The following PLCL1 variants were observed in gnomAD, a reference collection of about 807,000 sequenced individuals.
PLCL1 encodes phospholipase C like 1 (inactive), also known as inactive phospholipase C-like protein 1.
A neutral mutation model predicts 84.4 loss-of-function variants in PLCL1; 41 were observed. That is an observed-to-expected ratio of 0.49 (90% CI 0.38 to 0.63). PLCL1 has a LOEUF of 0.63. Ranked by LOEUF, PLCL1 falls within the 30% of genes least tolerant of loss-of-function variation. PLCL1 has a pLI of 0.00. For missense variants in PLCL1, 1,206 were observed against 1,367.8 expected, an observed-to-expected ratio of 0.88 and a Z score of 1.87; for synonymous variants, 490 against 488.3, an observed-to-expected ratio of 1.00 and a Z score of -0.05.
At position 197,869,706 on chromosome 2, in the gene PLCL1, A is replaced by G. The variant is rs144476143; in HGVS notation, c.240+64367A>G. ...GTGCAGAGAGCAAAACAATGGGGAC[A>G]GATGTGACTGAAAGAAGTTTTGATG... On this transcript the variant is annotated intron_variant, in intron 1 of 5. Transcript: ENST00000428675. Among the ~76,000 whole-genome samples the G allele has an allele frequency of 4.2e-3, 641 of 152,306 alleles. 4 individuals are homozygous for G. The highest frequency in any genetic ancestry group is 0.017 in the Middle Eastern group (5 of 294).
chr2:197,847,483 T>C (rs948149471), intron 1 of PLCL1, among the ~76,000 whole-genome samples: 1 of 152,168 alleles, frequency 6.6e-6, no homozygotes, highest in South Asian at 2.1e-4. Flanking sequence ...TAACTGTAGT[T>C]TCCTTGCAAT....
rs1692907042 is a variant in PLCL1, at chr2:198,087,147, T to C, written c.2715+915T>C. On this transcript the variant is annotated intron_variant, in intron 2 of 5. Coordinates refer to ENST00000428675, the MANE Select transcript of PLCL1 (RefSeq NM_006226.4). ...GAAAGAACATGGGTTCTTGATCAAA[T>C]CTATCCCTGTGCGATCTTGAACAAA... Among the ~76,000 whole-genome samples the C allele has an allele frequency of 3.9e-5, 6 of 152,160 alleles. No homozygotes were observed. The South Asian group carries it at 1.0e-3, about 26-fold the overall frequency.
intron 5 of PLCL1, among the ~76,000 whole-genome samples, chr2:198,122,821 T>G (rs982007366): frequency 1.5e-4 from 23 of 152,154 alleles, no homozygotes; most frequent in Non-Finnish European, 1.2e-4. Context: ...AAATATGTAT[T>G]CTCTCTAGAC....
chr2:197,959,466 G>A (rs965097279), intron 1 of PLCL1, among the ~76,000 whole-genome samples: 13 of 151,924 alleles, frequency 8.6e-5, no homozygotes, highest in African/African-American at 2.9e-4. Flanking sequence ...TCACCAAGTT[G>A]ACACATAAAA....
At chr2:197,860,723 G>A (rs1467396000) in intron 1 of PLCL1, among the ~76,000 whole-genome samples, 1 of 151,692 alleles carries the variant, frequency 6.6e-6, no homozygotes, top group Non-Finnish European at 1.5e-5. Context: ...TAATGGGACC[G>A]TTTTTCTTGT....
At position 197,805,784 on chromosome 2, in the gene PLCL1, T is replaced by C; in HGVS notation, c.240+445T>C. On this transcript the variant is annotated intron_variant, in intron 1 of 5. Transcript: ENST00000428675. This position sits in a 1 kb window ranked among gnomAD's most constrained non-coding sequence, Gnocchi z 4.0. ...AAAGAATCCCTCTAGACTTAAATGA[T>C]CCCGAAATCCCAAGATGTGTGAACT... Among the ~76,000 whole-genome samples the C allele has an allele frequency of 6.6e-6, 1 of 152,166 alleles. No individual in the cohort carries two copies. Among genetic ancestry groups the C allele is most frequent in the Non-Finnish European group, 1.5e-5 (1 of 68,012 alleles).
intron 1 of PLCL1, among the ~76,000 whole-genome samples, chr2:198,038,181 G>T (rs1375380395): frequency 6.6e-6 from 1 of 152,162 alleles, no homozygotes; most frequent in Non-Finnish European, 1.5e-5. Flanking sequence ...GAGAATTAAA[G>T]AGAAGACTTC....
At chr2:197,906,701 AT>A (rs1346746782) in intron 1 of PLCL1, among the ~76,000 whole-genome samples, 1 of 152,166 alleles carries the variant, frequency 6.6e-6, no homozygotes, top group Middle Eastern at 3.2e-3. Context: ...TGAGCATGGA[AT>A]GTTTTTCCAT....
chr2:197,877,958 AC>A (rs1687768084), intron 1 of PLCL1, among the ~76,000 whole-genome samples: 1 of 152,098 alleles, frequency 6.6e-6, no homozygotes, highest in East Asian at 1.9e-4. Flanking sequence ...ACAGTTAAGA[AC>A]CATTGATTAA....
intron 1 of PLCL1, among the ~76,000 whole-genome samples, chr2:197,814,028 A>G (rs1023074447): frequency 1.1e-4 from 16 of 152,214 alleles, no homozygotes; most frequent in African/African-American, 3.9e-4. Flanking sequence ...TCTCAGTTTC[A>G]TAGCCTTCCT....
At chr2:197,947,324 A>G (rs963938218) in intron 1 of PLCL1, among the ~76,000 whole-genome samples, 8 of 151,512 alleles carry the variant, frequency 5.3e-5, no homozygotes, top group African/African-American at 1.9e-4. Flanking sequence ...CAGAGTTACT[A>G]GCAGGACTTA....
intron 1 of PLCL1, among the ~76,000 whole-genome samples, chr2:197,993,155 C>T (rs921032294): frequency 6.6e-6 from 1 of 152,150 alleles, no homozygotes. Flanking sequence ...CCCTAGCCAA[C>T]ACTTGTACTT....
chr2:197,844,640 T>C (rs543204913), intron 1 of PLCL1, among the ~76,000 whole-genome samples: 32 of 152,248 alleles, frequency 2.1e-4, no homozygotes, highest in Admixed American at 1.9e-3. Context: ...TCATGGAAAT[T>C]GTGGCTAAGG....
At chr2:198,120,151 G>A (rs1291417260) in intron 5 of PLCL1, among the ~76,000 whole-genome samples, 1 of 151,850 alleles carries the variant, frequency 6.6e-6, no homozygotes, top group East Asian at 1.9e-4. Context: ...AACCTCTGGG[G>A]AGTTTCATTT....
At chr2:197,898,610 T>C (rs1287824879) in intron 1 of PLCL1, among the ~76,000 whole-genome samples, 1 of 151,798 alleles carries the variant, frequency 6.6e-6, no homozygotes. Flanking sequence ...CCTTCTTCTA[T>C]CTGACAAGTA....
In PLCL1 at chr2:198,084,155, T is replaced by A; in HGVS notation, c.638T>A (p.Ile213Asn). 6.2e-7 allele frequency: 1 copy of A among 1,614,172 alleles called. No individual in the cohort carries two copies. The highest frequency in any genetic ancestry group is 8.5e-7 in the Non-Finnish European group (1 of 1,180,018). Residue 213 changes from isoleucine to asparagine, a missense_variant, in exon 2 of 6, where the codon ATC (isoleucine) becomes AAC (asparagine). Transcript: ENST00000428675. Reference sequence around the variant, plus strand: ...GCCAATTCAGCAGATGTGGCAAACATCTGGGTGTCTGGGTTACGGTACCTG... The same window carrying A: ...GCCAATTCAGCAGATGTGGCAAACAACTGGGTGTCTGGGTTACGGTACCTG... Reference protein sequence around the residue: ...LVANSADVANIWVSGLRYLVS... With the variant: ...LVANSADVANNWVSGLRYLVS...
chr2:198,051,206 A>T (rs7420608), intron 1 of PLCL1, among the ~76,000 whole-genome samples: 94,305 of 151,952 alleles, frequency 0.62, 29,861 homozygotes, highest in Middle Eastern at 0.84. Flanking sequence ...GGGATTTTCC[A>T]TATCTAGGGA....
chr2:197,919,267 G>T (rs911801775), intron 1 of PLCL1, among the ~76,000 whole-genome samples: 1 of 152,112 alleles, frequency 6.6e-6, no homozygotes, highest in Non-Finnish European at 1.5e-5. Context: ...TATTGCAATC[G>T]GTTACCTATA....
chr2:198,055,836 A>C (rs13382697), intron 1 of PLCL1, among the ~76,000 whole-genome samples: 109,938 of 152,002 alleles, frequency 0.72, 40,621 homozygotes, highest in African/African-American at 0.87. Flanking sequence ...TAGGGATGAA[A>C]TAATCACTGT....
Sources: gnomAD v4.1 joint callset for allele counts (sites outside exome capture counted in the v4.1 genomes callset) on GRCh38, gnomAD v4.1.1 for gene constraint, Gnocchi (gnomAD v3.1) non-coding constraint, MANE v1.5 for transcripts, NCBI Gene and HGNC (gene_info 2026-07-23, HGNC 2026-07-21) for gene names.